Variants in KCNT2 observed in about 807,000 individuals in gnomAD.
KCNT2 encodes potassium channel subfamily T member 2.
In KCNT2, 67 loss-of-function variants were observed where a neutral mutation model predicts 153.8. That is an observed-to-expected ratio of 0.44 (90% confidence interval 0.36 to 0.53). The LOEUF is 0.53. Among genes scored for constraint, KCNT2 ranks in the 20% least tolerant of loss-of-function variants. The pLI is 0.00. For missense variants in KCNT2, 975 were observed against 1,354.8 expected (o/e 0.72, Z 4.40); for synonymous variants, 500 against 458.8 (o/e 1.09, Z -1.15).
chr1:196,576,118 A>ATC lies in KCNT2; in HGVS notation c.95+32095_95+32096dup, dbSNP rs139359207. On this transcript the variant is annotated intron_variant, in intron 1 of 27. Transcript: ENST00000294725. ...TGTGTGTGTGTGTGTGTATATATAT[A>ATC]TCCTTAAAGAATCCTAACATCGATG... Among the ~76,000 whole-genome samples the ATC allele has an allele frequency of 6.6e-5, 10 of 151,334 alleles. No homozygotes were observed. In the East Asian group the frequency reaches 1.9e-3, roughly 29 times the overall value.
At chr1:196,265,881 A>C (rs1657493594) in intron 25 of KCNT2, among the ~76,000 whole-genome samples, 1 of 152,164 alleles carries the variant, frequency 6.6e-6, no homozygotes, top group South Asian at 2.1e-4. Context: ...AATCTGATGA[A>C]GCAACCATTG....
At position 196,331,142 on chromosome 1, in the gene KCNT2, C is replaced by G. The variant is rs202085788; in HGVS notation, c.2103+14G>C. On this transcript the variant is annotated intron_variant, in intron 18 of 27. Transcript: ENST00000294725. ...TTTTATTTTGTAAACAAAAAAGCAT[C>G]AACAAGTACTTACCTTGTCTAATCT... is the stretch of plus-strand genomic sequence containing the variant. 4 of 1,379,014 alleles carry G rather than the reference C, an allele frequency of 2.9e-6. No homozygotes were observed. Among genetic ancestry groups the G allele is most frequent in the African/African-American group, 2.9e-5 (2 of 69,670 alleles). The allele number at this position is 1,379,014 out of a possible 1,614,324, so 85.4% of individuals were successfully genotyped here. A position where few individuals can be genotyped will look rare whatever the true frequency, so the allele number is the denominator to read the frequency against.
chr1:196,555,829 G>C (rs903724205), intron 1 of KCNT2, among the ~76,000 whole-genome samples: 4 of 151,088 alleles, frequency 2.6e-5, no homozygotes, highest in African/African-American at 7.3e-5. Flanking sequence ...AAACAATAAA[G>C]AACCCAAAAA....
intron 26 of KCNT2, among the ~76,000 whole-genome samples, chr1:196,246,909 T>C (rs1655499655): frequency 6.6e-6 from 1 of 151,570 alleles, no homozygotes; most frequent in Non-Finnish European, 1.5e-5. Context: ...AATAAATAAA[T>C]AAATGTCGGA....
At chr1:196,354,066 T>C (rs146409356) in intron 14 of KCNT2, among the ~76,000 whole-genome samples, 4 of 152,068 alleles carry the variant, frequency 2.6e-5, no homozygotes, top group Non-Finnish European at 5.9e-5. Flanking sequence ...CCTGTATGTT[T>C]TTGTGAAATT....
At chr1:196,418,318 A>G (rs565194356) in intron 12 of KCNT2, among the ~76,000 whole-genome samples, 3 of 152,102 alleles carry the variant, frequency 2.0e-5, no homozygotes, top group Admixed American at 2.0e-4. Context: ...TCTACTAAAA[A>G]CACAAAAAAT....
chr1:196,356,153 T>C (rs1010309077), intron 14 of KCNT2, among the ~76,000 whole-genome samples: 1 of 151,812 alleles, frequency 6.6e-6, no homozygotes, highest in African/African-American at 2.4e-5. Context: ...TCTCTCCATG[T>C]TGTCATTTGA....
At chr1:196,351,483 A>G (rs1314216779) in intron 14 of KCNT2, among the ~76,000 whole-genome samples, 2 of 130,190 alleles carry the variant, frequency 1.5e-5, no homozygotes, top group African/African-American at 2.5e-5. Flanking sequence ...ATGGGAGTTC[A>G]CTCATGATTT....
intron 22 of KCNT2, among the ~76,000 whole-genome samples, chr1:196,289,765 C>T: frequency 6.6e-6 from 1 of 151,938 alleles, no homozygotes; most frequent in East Asian, 1.9e-4. Flanking sequence ...CACTATGATT[C>T]CTTTTTGTTA....
At position 196,566,778 on chromosome 1, in the gene KCNT2, G is replaced by A. The variant is rs551308595; in HGVS notation, c.95+41437C>T. Among the ~76,000 whole-genome samples, 143 of 152,146 alleles carry A rather than the reference G, an allele frequency of 9.4e-4. 2 individuals carry two copies. The highest frequency in any genetic ancestry group is 6.8e-3 in the Middle Eastern group (2 of 294). On this transcript the variant is annotated intron_variant, in intron 1 of 27. Transcript: ENST00000294725. ...CCATAGCAAAATGTGGCAAATGAAT[G>A]CCTTATAAAGATGTCAAGTTAATAT...
At chr1:196,308,030 A>T (rs1233663460) in intron 21 of KCNT2, among the ~76,000 whole-genome samples, 1 of 152,058 alleles carries the variant, frequency 6.6e-6, no homozygotes, top group Non-Finnish European at 1.5e-5. Flanking sequence ...TAAAATGAAA[A>T]ATAGGACAAA....
chr1:196,579,364 A>G (rs1457417519), intron 1 of KCNT2, among the ~76,000 whole-genome samples: 1 of 152,036 alleles, frequency 6.6e-6, no homozygotes, highest in Non-Finnish European at 1.5e-5. Context: ...AGAAAAAATA[A>G]CCATTGAGTA....
chr1:196,402,997 T>C (rs1404574299), intron 12 of KCNT2, among the ~76,000 whole-genome samples: 2 of 151,676 alleles, frequency 1.3e-5, no homozygotes, highest in African/African-American at 2.4e-5. Context: ...AAATTTGGAA[T>C]ACATTTTGAC....
chr1:196,459,762 T>C (rs1461833442), intron 8 of KCNT2, among the ~76,000 whole-genome samples: 3 of 151,864 alleles, frequency 2.0e-5, no homozygotes, highest in East Asian at 3.9e-4. Context: ...ACTTGGAAGA[T>C]GCACGGCTAA....
intron 1 of KCNT2, among the ~76,000 whole-genome samples, chr1:196,521,957 A>T (rs1653487611): frequency 6.6e-6 from 1 of 152,218 alleles, no homozygotes; most frequent in Non-Finnish European, 1.5e-5. Context: ...AAAAGTTTTT[A>T]AAAAGCACAT....
At position 196,345,009 on chromosome 1, in the gene KCNT2, T is replaced by C. The variant is rs996312391; in HGVS notation, c.1404-2781A>G. ...CTTGAGAAATGCTAGACATCAATAT[T>C]ACATCTAATGCTGATGTGTATATCC... is the stretch of plus-strand genomic sequence containing the variant. On this transcript the variant is annotated intron_variant, in intron 14 of 27. Coordinates refer to ENST00000294725, the MANE Select transcript of KCNT2 (RefSeq NM_198503.5). Among the ~76,000 whole-genome samples the C allele has an allele frequency of 1.8e-4, 27 of 152,274 alleles. 1 individual carries two copies. Among genetic ancestry groups the C allele is most frequent in the Admixed American group, 1.4e-3 (21 of 15,286 alleles).
intron 1 of KCNT2, among the ~76,000 whole-genome samples, chr1:196,556,844 T>C (rs1658734882): frequency 6.6e-6 from 1 of 151,446 alleles, no homozygotes. Context: ...TGGATGGAAC[T>C]GGAGGTCATT....
chr1:196,294,593 A>G (rs1274152944), intron 22 of KCNT2, among the ~76,000 whole-genome samples: 1 of 152,020 alleles, frequency 6.6e-6, no homozygotes, highest in Non-Finnish European at 1.5e-5. Flanking sequence ...ATTATGAAAA[A>G]CAGTATGGAG....
At chr1:196,453,917 G>A (rs1676434548) in intron 8 of KCNT2, among the ~76,000 whole-genome samples, 1 of 151,826 alleles carries the variant, frequency 6.6e-6, no homozygotes, top group African/African-American at 2.4e-5. Flanking sequence ...TTCTGAAATG[G>A]ATTTAGTTTC....
Sources: gnomAD v4.1 joint callset for allele counts (sites outside exome capture counted in the v4.1 genomes callset) on GRCh38, gnomAD v4.1.1 for gene constraint, MANE v1.5 for transcripts, NCBI Gene and HGNC (gene_info 2026-07-23, HGNC 2026-07-21) for gene names.